The following IGFL4 variants were observed in gnomAD, a reference collection of about 807,000 sequenced individuals.
IGFL4 encodes the protein insulin growth factor-like family member 4.
Under a neutral mutation model 15.4 loss-of-function variants are expected in IGFL4, and 12 were observed. That is an observed-to-expected ratio of 0.78 (90% confidence interval 0.50 to 1.26). The LOEUF (loss-of-function observed/expected upper bound fraction) is 1.26. IGFL4 is among the 50% of genes most tolerant of loss of function. The probability of loss-of-function intolerance (pLI) is 0.00; values close to 1 mark genes in which losing one functional copy is unlikely to be tolerated. For missense variants in IGFL4, 126 were observed against 147.8 expected (o/e 0.85, Z 0.76); for synonymous variants, 54 against 55.9 (o/e 0.97, Z 0.16).
chr19:46,072,958 A>T (rs189611009), intron 1 of IGFL4, among the ~76,000 whole-genome samples: 1 of 152,324 alleles, frequency 6.6e-6, no homozygotes, highest in East Asian at 1.9e-4. Flanking sequence ...TACAGACTCA[A>T]GAAAACACAA....
At chr19:46,075,654 C>T (rs1024206802) in intron 1 of IGFL4, among the ~76,000 whole-genome samples, 7 of 152,068 alleles carry the variant, frequency 4.6e-5, no homozygotes, top group Admixed American at 4.6e-4. Flanking sequence ...ATTATGACAC[C>T]GATTACCTGG....
upstream of IGFL4, among the ~76,000 whole-genome samples, chr19:46,045,499 T>A (rs1969290404): frequency 6.7e-6 from 1 of 148,596 alleles, no homozygotes; most frequent in Non-Finnish European, 1.5e-5. Flanking sequence ...TAAAGGAGGA[T>A]GTTGTATCCC....
chr19:46,057,053 A>G (rs1969399772), intron 2 of IGFL4, among the ~76,000 whole-genome samples: 1 of 151,932 alleles, frequency 6.6e-6, no homozygotes, highest in African/African-American at 2.4e-5. Context: ...CAAGGATTTG[A>G]TACAAATGAC....
intron 1 of IGFL4, among the ~76,000 whole-genome samples, chr19:46,064,235 G>A (rs1404587752): frequency 1.3e-5 from 2 of 151,966 alleles, no homozygotes; most frequent in African/African-American, 4.8e-5. Context: ...TTTAATACAA[G>A]CATGCAATGC....
At chr19:46,056,663 C>T (rs968925189) in intron 2 of IGFL4, among the ~76,000 whole-genome samples, 4 of 152,144 alleles carry the variant, frequency 2.6e-5, no homozygotes, top group African/African-American at 7.2e-5. Flanking sequence ...CACAGAGAGA[C>T]GAGGAGGAGT....
At chr19:46,067,922 C>A (rs569707358) in intron 1 of IGFL4, among the ~76,000 whole-genome samples, 3 of 152,184 alleles carry the variant, frequency 2.0e-5, no homozygotes, top group Non-Finnish European at 2.9e-5. Context: ...TCCTATGCTC[C>A]ACTTCCAGCA....
upstream of IGFL4, among the ~76,000 whole-genome samples, chr19:46,045,638 G>T (rs998761864): frequency 1.3e-5 from 2 of 151,936 alleles, no homozygotes; most frequent in African/African-American, 4.8e-5. Flanking sequence ...ATAAGTATCA[G>T]TTACAGAATA....
intron 2 of IGFL4, among the ~76,000 whole-genome samples, chr19:46,048,482 C>T (rs1969317306): frequency 6.6e-6 from 1 of 152,130 alleles, no homozygotes; most frequent in Non-Finnish European, 1.5e-5. Flanking sequence ...GTCAAATTAT[C>T]TTGTTTGCAG....
At chr19:46,050,300 T>C (rs1320076019) in intron 2 of IGFL4, among the ~76,000 whole-genome samples, 1 of 152,124 alleles carries the variant, frequency 6.6e-6, no homozygotes, top group African/African-American at 2.4e-5. Flanking sequence ...TCACCAGCAA[T>C]GGATCCAAAC....
intron 2 of IGFL4, among the ~76,000 whole-genome samples, chr19:46,053,965 CTTGT>C (rs1969370641): frequency 6.6e-6 from 1 of 151,936 alleles, no homozygotes; most frequent in Non-Finnish European, 1.5e-5. Context: ...TTAAAATCAC[CTTGT>C]TTGTTTTTGC....
rs1167591837 is a variant in IGFL4 at position 46,039,812 on chromosome 19, A to C, written c.*80T>G. 7.9e-7 allele frequency: 1 copy of C among 1,272,460 alleles called. No individual in the cohort carries two copies. The highest frequency in any genetic ancestry group is 1.5e-5 in the African/African-American group (1 of 67,948). The allele number at this position is 1,272,460 out of a possible 1,614,324, so 78.8% of individuals were successfully genotyped here. A position where few individuals can be genotyped will look rare whatever the true frequency, so the allele number is the denominator to read the frequency against. ...GGGGGACAGAGTGAAACTCTGTCACAACAACAACAAAATCAATGCAGTATA... is the reference window on the plus strand; with the variant it reads ...GGGGGACAGAGTGAAACTCTGTCACCACAACAACAAAATCAATGCAGTATA... On this transcript the variant is annotated 3_prime_UTR_variant, in exon 4 of 4. Coordinates refer to ENST00000377697, the MANE Select transcript of IGFL4 (RefSeq NM_001002923.3).
chr19:46,040,698 G>T lies in IGFL4; in HGVS notation c.20-130C>A. The T allele has an allele frequency of 9.0e-7, 1 of 1,115,706 alleles. No individual in the cohort carries two copies. Among genetic ancestry groups the T allele is most frequent in the Non-Finnish European group, 1.3e-6 (1 of 749,536 alleles). 69.1% of individuals were successfully genotyped at this position (1,115,706 alleles called of 1,614,324 possible). A position where few individuals can be genotyped will look rare whatever the true frequency, so the allele number is the denominator to read the frequency against. On this transcript the variant is annotated intron_variant, in intron 1 of 3. Transcript: ENST00000377697. This position sits in a 1 kb window ranked among gnomAD's most constrained non-coding sequence, Gnocchi z 4.1. ...GAGTGGATTTTGGGACTGGCTGTGGGTGCAGGTCCTGGGGACTGGGCTTGG... is the reference window on the plus strand; with the variant it reads ...GAGTGGATTTTGGGACTGGCTGTGGTTGCAGGTCCTGGGGACTGGGCTTGG...
At chr19:46,042,155 T>C (rs947467185), upstream of IGFL4, among the ~76,000 whole-genome samples, 1 of 100,260 alleles carries the variant, frequency 1.0e-5, no homozygotes, top group Non-Finnish European at 2.0e-5. Flanking sequence ...TCTCCTTTCT[T>C]GACTGGATGT....
At chr19:46,067,481 AG>A (rs2146527354) in intron 1 of IGFL4, among the ~76,000 whole-genome samples, 1 of 152,246 alleles carries the variant, frequency 6.6e-6, no homozygotes, top group Non-Finnish European at 1.5e-5. Context: ...GCCTGATCCC[AG>A]AAGAATTAGC....
At chr19:46,074,339 T>A (rs895347703) in intron 1 of IGFL4, among the ~76,000 whole-genome samples, 1 of 151,830 alleles carries the variant, frequency 6.6e-6, no homozygotes, top group Non-Finnish European at 1.5e-5. Context: ...TGGGACCTTG[T>A]GATCGTGTGA....
chr19:46,039,918 G>A lies in IGFL4; in HGVS notation c.349C>T (p.Pro117Ser). The A allele has an allele frequency of 6.2e-7, 1 of 1,613,428 alleles. No individual in the cohort carries two copies. The highest frequency in any genetic ancestry group is 8.5e-7 in the Non-Finnish European group (1 of 1,179,360). Residue 117 changes from proline to serine, a missense_variant, in exon 4 of 4, where the codon CCT becomes TCT. Pro to Ser is a moderately conservative substitution (Grantham distance 74, BLOSUM62 -1). Coordinates refer to ENST00000377697, the MANE Select transcript of IGFL4 (RefSeq NM_001002923.3). Reference sequence around the variant, plus strand: ...TAGATGAGGTCAGATCTTGACACAGGGCTTTTTGGGTGGTATTCCTGCAGA... The same window carrying A: ...TAGATGAGGTCAGATCTTGACACAGAGCTTTTTGGGTGGTATTCCTGCAGA... The part of the protein sequence containing the change: ...ICAQEYHPKS[P>S]VSRSDLI
At chr19:46,054,396 GT>G (rs1474685277) in intron 2 of IGFL4, among the ~76,000 whole-genome samples, 15 of 152,076 alleles carry the variant, frequency 9.9e-5, no homozygotes, top group African/African-American at 3.1e-4. Context: ...TGGCACCTTT[GT>G]CAAAATCAGT....
intron 1 of IGFL4, among the ~76,000 whole-genome samples, chr19:46,071,405 A>G (rs917491730): frequency 6.6e-6 from 1 of 152,222 alleles, no homozygotes; most frequent in African/African-American, 2.4e-5. Context: ...TAGTATCACT[A>G]GTTGGTTCTG....
In IGFL4 at chr19:46,067,629, C is replaced by T. The variant is rs75785854; in HGVS notation, c.-431-7336G>A. On this transcript the variant is annotated intron_variant, in intron 1 of 5. Coordinates refer to the IGFL4 transcript ENST00000601672. ...AGGGGCTTGTCTGCATCCTCATCCA[C>T]GTGTGCTCAGGCTCAGAGTGAGTTT... is the stretch of plus-strand genomic sequence containing the variant. Among the ~76,000 whole-genome samples the T allele has an allele frequency of 2.8e-4, 42 of 152,284 alleles. No individual in the cohort carries two copies. In the East Asian group the frequency reaches 6.2e-3, roughly 22 times the overall value.
Sources: gnomAD v4.1 joint callset for allele counts (sites outside exome capture counted in the v4.1 genomes callset) on GRCh38, gnomAD v4.1.1 for gene constraint, Gnocchi (gnomAD v3.1) non-coding constraint, MANE v1.5 for transcripts, NCBI Gene and HGNC (gene_info 2026-07-23, HGNC 2026-07-21) for gene names.